SEMA6D: variants seen among roughly 807,000 people sequenced by gnomAD.
SEMA6D encodes the protein semaphorin 6D, also known as semaphorin-6D.
Under a neutral mutation model 106.6 loss-of-function variants are expected in SEMA6D, and 35 were observed. That is an observed-to-expected ratio of 0.33 (90% CI 0.25 to 0.44). The LOEUF (loss-of-function observed/expected upper bound fraction) is 0.44, where lower values mean the gene tolerates loss of function less well. Ranked by LOEUF, SEMA6D falls within the 20% of genes least tolerant of loss-of-function variation. The pLI, the probability that SEMA6D is intolerant of heterozygous loss-of-function variation, is 1.00. For synonymous variants in SEMA6D, 499 were observed against 487.7 expected (o/e 1.02, Z -0.31); for missense variants, 1,185 against 1,345.9 (o/e 0.88, Z 1.87).
chr15:47,695,922 C>T (rs1256348735), intron 4 of SEMA6D, among the ~76,000 whole-genome samples: 1 of 152,128 alleles, frequency 6.6e-6, no homozygotes, highest in Non-Finnish European at 1.5e-5. Flanking sequence ...TTGTTATAAC[C>T]TGGTCATTGG....
At chr15:47,706,102 T>C (rs58813426) in intron 4 of SEMA6D, among the ~76,000 whole-genome samples, 8,808 of 152,288 alleles carry the variant, frequency 0.058, 263 homozygotes, top group African/African-American at 0.081. Context: ...AAATTCAGTC[T>C]CTGCTGAAAA....
In SEMA6D at chr15:47,482,997, G is replaced by A. The variant is rs79826975; in HGVS notation, c.-87+12452G>A. On this transcript the variant is annotated intron_variant, in intron 3 of 19. Coordinates refer to the SEMA6D transcript ENST00000558014. ...TATAGATACTTGCTCTTGTTGGTGC[G>A]TGAATTCTAACAATGGGAAAGACAA... is the stretch of plus-strand genomic sequence containing the variant. Among the ~76,000 whole-genome samples the A allele has an allele frequency of 9.0e-3, 1,372 of 152,170 alleles. 16 individuals are homozygous for A. The highest frequency in any genetic ancestry group is 0.025 in the African/African-American group (1,042 of 41,536).
intron 3 of SEMA6D, among the ~76,000 whole-genome samples, chr15:47,589,408 C>G (rs1042189840): frequency 3.9e-5 from 6 of 152,222 alleles, no homozygotes; most frequent in Admixed American, 2.6e-4. Flanking sequence ...TGTTCCTGCT[C>G]CAGCCCCTGC....
At chr15:47,584,937 A>G (rs1315452477) in intron 3 of SEMA6D, among the ~76,000 whole-genome samples, 15 of 152,160 alleles carry the variant, frequency 9.9e-5, no homozygotes, top group African/African-American at 3.1e-4. Flanking sequence ...TCTTGATTCT[A>G]CTCAGAAAAG....
At chr15:47,297,735 T>C (rs1381372463) in intron 1 of SEMA6D, among the ~76,000 whole-genome samples, 1 of 151,956 alleles carries the variant, frequency 6.6e-6, no homozygotes, top group Non-Finnish European at 1.5e-5. Flanking sequence ...ACTGATGAGG[T>C]AGAGTTACTA....
intron 1 of SEMA6D, among the ~76,000 whole-genome samples, chr15:47,222,432 C>T (rs1173421066): frequency 6.6e-6 from 1 of 152,312 alleles, no homozygotes; most frequent in African/African-American, 2.4e-5. Context: ...CTCTTGCCAT[C>T]CACTACTTTT....
chr15:47,214,022 G>C (rs1161833438), intron 1 of SEMA6D, among the ~76,000 whole-genome samples: 1 of 152,072 alleles, frequency 6.6e-6, no homozygotes, highest in Admixed American at 6.6e-5. Context: ...GCAGACCTGG[G>C]CTCATTTATG....
chr15:47,456,713 C>A (rs2042356397), intron 2 of SEMA6D, among the ~76,000 whole-genome samples: 1 of 151,992 alleles, frequency 6.6e-6, no homozygotes, highest in East Asian at 1.9e-4. Flanking sequence ...AGAAGGGAAA[C>A]AAATGAGGTA....
At position 47,271,348 on chromosome 15, in the gene SEMA6D, A is replaced by G. The variant is rs189735655; in HGVS notation, c.-239+86930A>G. Among the ~76,000 whole-genome samples the G allele has an allele frequency of 3.6e-3, 545 of 152,298 alleles. 2 individuals carry two copies. Among genetic ancestry groups the G allele is most frequent in the Admixed American group, 7.2e-3 (110 of 15,292 alleles). On this transcript the variant is annotated intron_variant, in intron 1 of 19. Transcript: ENST00000558014. ...TCTTATGAGAGCCGTGCGGAAGGAC[A>G]GGGCTGGGTCTTACCTGGGAATATG...
intron 1 of SEMA6D, among the ~76,000 whole-genome samples, chr15:47,336,821 G>C (rs1319847974): frequency 2.0e-5 from 3 of 152,082 alleles, no homozygotes; most frequent in Non-Finnish European, 2.9e-5. Flanking sequence ...CTCTCCACTG[G>C]AGCTGCTTGG....
chr15:47,226,967 C>A (rs1415703093), intron 1 of SEMA6D, among the ~76,000 whole-genome samples: 2 of 151,992 alleles, frequency 1.3e-5, no homozygotes, highest in Middle Eastern at 3.2e-3. Context: ...ACTTGGTAAA[C>A]CTATTGGTTC....
chr15:47,206,272 A>G (rs1895053699), intron 1 of SEMA6D, among the ~76,000 whole-genome samples: 1 of 152,254 alleles, frequency 6.6e-6, no homozygotes. Context: ...CTTTTTTGGC[A>G]TGCATATGGA....
intron 2 of SEMA6D, among the ~76,000 whole-genome samples, chr15:47,428,177 G>A (rs759847283): frequency 3.9e-5 from 6 of 151,988 alleles, no homozygotes; most frequent in Non-Finnish European, 7.4e-5. Context: ...TGCTCATATT[G>A]CAATAGAGGC....
At chr15:47,416,677 T>C (rs1257580169) in intron 2 of SEMA6D, among the ~76,000 whole-genome samples, 1 of 152,134 alleles carries the variant, frequency 6.6e-6, no homozygotes, top group Non-Finnish European at 1.5e-5. Flanking sequence ...GGAGGTAAGA[T>C]ATAATCAGCA....
At chr15:47,202,520 A>G (rs1199754959) in intron 1 of SEMA6D, among the ~76,000 whole-genome samples, 1 of 152,160 alleles carries the variant, frequency 6.6e-6, no homozygotes, top group Non-Finnish European at 1.5e-5. Context: ...CACTGCACAT[A>G]TGGACACCAC....
chr15:47,230,530 A>G (rs1030255517), intron 1 of SEMA6D, among the ~76,000 whole-genome samples: 3 of 151,930 alleles, frequency 2.0e-5, no homozygotes, highest in East Asian at 1.9e-4. Flanking sequence ...TAGGTGCCCT[A>G]TAAGTAGCTG....
chr15:47,514,339 A>G (rs1004586552), intron 3 of SEMA6D, among the ~76,000 whole-genome samples: 3 of 152,124 alleles, frequency 2.0e-5, no homozygotes, highest in Non-Finnish European at 4.4e-5. Context: ...TCATGGTTTC[A>G]AATATCTTAT....
At chr15:47,638,421 G>A (rs1299786293) in intron 4 of SEMA6D, among the ~76,000 whole-genome samples, 2 of 152,118 alleles carry the variant, frequency 1.3e-5, no homozygotes. Context: ...GAGATTTTTA[G>A]AATGATATCA....
At chr15:47,366,511 A>G (rs1307818318) in intron 1 of SEMA6D, among the ~76,000 whole-genome samples, 2 of 152,218 alleles carry the variant, frequency 1.3e-5, no homozygotes, top group Admixed American at 6.5e-5. Flanking sequence ...GGAAAATTAC[A>G]CTGCAGGCCC....
Sources: gnomAD v4.1 joint callset for allele counts (sites outside exome capture counted in the v4.1 genomes callset) on GRCh38, gnomAD v4.1.1 for gene constraint, MANE v1.5 for transcripts, NCBI Gene and HGNC (gene_info 2026-07-23, HGNC 2026-07-21) for gene names.